MYH15: variants seen among roughly 807,000 people sequenced by gnomAD.
MYH15 encodes the protein myosin heavy chain 15.
In MYH15, 227 loss-of-function variants were observed where a neutral mutation model predicts 240.5. The observed-to-expected ratio is 0.94, with a 90% CI of 0.85 to 1.05. The LOEUF (loss-of-function observed/expected upper bound fraction) is 1.05, where lower values mean the gene tolerates loss of function less well. MYH15 is among the 50% of genes least tolerant of loss of function. The pLI, the probability that MYH15 is intolerant of heterozygous loss-of-function variation, is 0.00. For synonymous variants in MYH15, 785 were observed against 796.7 expected (o/e 0.99, Z 0.25); for missense variants, 2,217 against 2,247.5 (o/e 0.99, Z 0.27).
At chr3:108,413,333 A>T (rs1345146482) in intron 30 of MYH15, among the ~76,000 whole-genome samples, 1 of 152,188 alleles carries the variant, frequency 6.6e-6, no homozygotes, top group Non-Finnish European at 1.5e-5. Context: ...ATCACTTGGT[A>T]CCCCTTCTGG....
At chr3:108,394,000 A>G (rs2107537432) in intron 36 of MYH15, 31 bp downstream of exon 36, 1 of 1,612,752 alleles carries the variant, frequency 6.2e-7, no homozygotes, top group South Asian at 1.1e-5. Context: ...ACTCTGGGAG[A>G]CAGGATTGAG....
intron 37 of MYH15, among the ~76,000 whole-genome samples, chr3:108,390,156 G>C (rs1251185103): frequency 6.6e-6 from 1 of 152,100 alleles, no homozygotes; most frequent in African/African-American, 2.4e-5. Flanking sequence ...GAATTTTGGG[G>C]GGGGATTAAA....
chr3:108,495,740 A>G (rs1415270284), intron 7 of MYH15, 40 bp downstream of exon 7: 4 of 1,515,962 alleles, frequency 2.6e-6, no homozygotes, highest in African/African-American at 2.7e-5. Context: ...ATTGCTTACA[A>G]ATTAAATACT....
At position 108,475,276 on chromosome 3, in the gene MYH15, G is replaced by C. The variant is rs185353275; in HGVS notation, c.1233+1121C>G. Among the ~76,000 whole-genome samples, 3 of 152,106 alleles carry C rather than the reference G, an allele frequency of 2.0e-5. No homozygotes were observed. In the East Asian group the frequency reaches 5.8e-4, roughly 29 times the overall value. ...TGGAATGTTACTTAACATTCTCTTT[G>C]ACTCAGTTTCCTCAACTAGGAAAAA... On this transcript the variant is annotated intron_variant, in intron 12 of 40. Coordinates refer to ENST00000693548, the MANE Select transcript of MYH15 (RefSeq NM_014981.3).
intron 38 of MYH15, among the ~76,000 whole-genome samples, chr3:108,385,567 C>G (rs561325144): frequency 6.6e-5 from 10 of 152,188 alleles, no homozygotes; most frequent in African/African-American, 2.4e-4. Flanking sequence ...GGTCTGCCTG[C>G]CCCCTCTTTC....
intron 16 of MYH15, among the ~76,000 whole-genome samples, chr3:108,461,404 G>A (rs867764309): frequency 9.2e-5 from 14 of 152,088 alleles, no homozygotes; most frequent in African/African-American, 2.9e-4. Flanking sequence ...GAGAAAGTAT[G>A]GTTATCACAA....
At chr3:108,462,988 G>T in intron 16 of MYH15, 123 bp downstream of exon 16, 1 of 1,106,276 alleles carries the variant, frequency 9.0e-7, no homozygotes, top group Non-Finnish European at 1.3e-6. Flanking sequence ...AATAAGAGGG[G>T]ACGACTCAGA....
intron 11 of MYH15, among the ~76,000 whole-genome samples, chr3:108,482,122 A>G (rs2083272424): frequency 6.6e-6 from 1 of 152,272 alleles, no homozygotes; most frequent in South Asian, 2.1e-4. Context: ...ATGTATTTCA[A>G]AGGTAGAGAC....
At chr3:108,509,391 G>A (rs902887184) in intron 1 of MYH15, among the ~76,000 whole-genome samples, 4 of 151,788 alleles carry the variant, frequency 2.6e-5, no homozygotes, top group Admixed American at 2.0e-4. Flanking sequence ...AACTACCTGC[G>A]ATAAGCCTCT....
intron 14 of MYH15, 89 bp from the exon 15 acceptor site, chr3:108,464,903 A>G (rs1256491455): frequency 8.5e-7 from 1 of 1,183,338 alleles, no homozygotes; most frequent in Non-Finnish European, 1.2e-6. Flanking sequence ...CCAGGAACCT[A>G]ATCAGTTGAC....
intron 39 of MYH15, 79 bp downstream of exon 39, chr3:108,384,608 T>C: frequency 7.6e-7 from 1 of 1,311,674 alleles, no homozygotes. Flanking sequence ...AGCTGCTTGC[T>C]GAGCTCAGGG....
At chr3:108,503,545 C>T (rs2083453831) in intron 2 of MYH15, among the ~76,000 whole-genome samples, 1 of 152,082 alleles carries the variant, frequency 6.6e-6, no homozygotes, top group African/African-American at 2.4e-5. Context: ...CCAATATGTA[C>T]ATGAAAAGAT....
chr3:108,390,047 A>T (rs1229015844), intron 37 of MYH15, among the ~76,000 whole-genome samples: 2 of 152,128 alleles, frequency 1.3e-5, no homozygotes, highest in East Asian at 3.9e-4. Flanking sequence ...CATTTAAAGC[A>T]ATCTTCTGAC....
In MYH15 at chr3:108,501,846, T is replaced by G. The variant is rs1413483447; in HGVS notation, c.205A>C (p.Ile69Leu). Residue 69 changes from isoleucine to leucine, a missense_variant, in exon 3 of 41, where the codon ATA (isoleucine) becomes CTA (leucine). Coordinates refer to ENST00000693548, the MANE Select transcript of MYH15 (RefSeq NM_014981.3). The part of the protein sequence containing the change: ...VETADGESLS[I>L]KEDKIQQMNP... ...ATCTGCTGGATTTTGTCCTCCTTTATGCTCAGACTCTGCAGAGAGAAGAAA... is the reference window on the plus strand; with the variant it reads ...ATCTGCTGGATTTTGTCCTCCTTTAGGCTCAGACTCTGCAGAGAGAAGAAA... 2.5e-6 allele frequency: 4 copies of G among 1,614,004 alleles called. No homozygotes were observed. In the Admixed American group the frequency reaches 6.7e-5, roughly 27 times the overall value.
At chr3:108,446,168 G>A (rs960634886) in intron 21 of MYH15, among the ~76,000 whole-genome samples, 1 of 152,170 alleles carries the variant, frequency 6.6e-6, no homozygotes, top group African/African-American at 2.4e-5. Flanking sequence ...CAACAAGGGT[G>A]TTCCAGTAGA....
intron 3 of MYH15, among the ~76,000 whole-genome samples, chr3:108,500,778 T>C (rs1234986518): frequency 6.6e-6 from 1 of 152,216 alleles, no homozygotes; most frequent in Non-Finnish European, 1.5e-5. Flanking sequence ...TCTTTACAAA[T>C]GTAATTACAG....
chr3:108,524,316 G>A (rs1348875207), intron 1 of MYH15, among the ~76,000 whole-genome samples: 1 of 151,552 alleles, frequency 6.6e-6, no homozygotes, highest in Non-Finnish European at 1.5e-5. Context: ...ACATCTTTTC[G>A]AATACTCATT....
chr3:108,484,765 T>A (rs556284004), intron 11 of MYH15, among the ~76,000 whole-genome samples: 2 of 152,194 alleles, frequency 1.3e-5, no homozygotes, highest in East Asian at 3.9e-4. Context: ...CAAGCGTGAG[T>A]CACGGTGTCC....
chr3:108,415,829 G>A (rs543065173), intron 29 of MYH15, among the ~76,000 whole-genome samples: 1 of 152,286 alleles, frequency 6.6e-6, no homozygotes, highest in East Asian at 1.9e-4. Context: ...GTAGGAAGTA[G>A]GTCACAGAAG....
Sources: gnomAD v4.1 joint callset for allele counts (sites outside exome capture counted in the v4.1 genomes callset) on GRCh38, gnomAD v4.1.1 for gene constraint, MANE v1.5 for transcripts, NCBI Gene and HGNC (gene_info 2026-07-23, HGNC 2026-07-21) for gene names.